The following DCDC1 variants were observed in gnomAD, a reference collection of about 807,000 sequenced individuals.
DCDC1 encodes doublecortin domain containing 1.
DCDC1 carries 200 observed loss-of-function variants against 178.3 expected under a neutral mutation model. The ratio of observed to expected loss-of-function variants is 1.12; its 90% CI spans 1.00 to 1.26. The LOEUF (loss-of-function observed/expected upper bound fraction) is 1.26. Among genes scored for constraint, DCDC1 ranks in the 50% most tolerant of loss-of-function variants. The pLI is 0.00. For synonymous variants in DCDC1, 690 were observed against 604.8 expected, an observed-to-expected ratio of 1.14 and a Z score of -2.07; for missense variants, 1,983 against 1,749.2, an observed-to-expected ratio of 1.13 and a Z score of -2.38.
intron 9 of DCDC1, among the ~76,000 whole-genome samples, chr11:31,181,141 A>C (rs552653879): frequency 6.6e-4 from 101 of 152,312 alleles, no homozygotes; most frequent in South Asian, 3.5e-3. Flanking sequence ...CAGCAAAGCC[A>C]CGGTGGCCAG....
At chr11:30,903,749 G>A (rs989126294) in intron 31 of DCDC1, 66 bp from the exon 32 acceptor site, 3 of 1,279,508 alleles carry the variant, frequency 2.3e-6, no homozygotes, top group African/African-American at 3.0e-5. Flanking sequence ...ATCATTAAGA[G>A]CTTGTCATTC....
chr11:31,328,456 G>GA (rs1031706378), intron 2 of DCDC1, among the ~76,000 whole-genome samples, 170 bp from the exon 3 acceptor site: 5 of 151,320 alleles, frequency 3.3e-5, no homozygotes, highest in Non-Finnish European at 4.4e-5. Context: ...CTTAAAGAAA[G>GA]AAAAAAAATA....
chr11:31,248,195 A>AATT (rs1943714763), intron 8 of DCDC1, among the ~76,000 whole-genome samples: 1 of 152,096 alleles, frequency 6.6e-6, no homozygotes, highest in Non-Finnish European at 1.5e-5. Flanking sequence ...ACTTGATCTA[A>AATT]TAACTGACAT....
intron 9 of DCDC1, among the ~76,000 whole-genome samples, chr11:31,234,860 G>T (rs1184302081): frequency 6.6e-6 from 1 of 151,678 alleles, no homozygotes; most frequent in Non-Finnish European, 1.5e-5. Flanking sequence ...AACTGTTCAG[G>T]GAATCTATCA....
chr11:31,133,336 G>C (rs1018668875), intron 10 of DCDC1, among the ~76,000 whole-genome samples: 1 of 152,136 alleles, frequency 6.6e-6, no homozygotes, highest in African/African-American at 2.4e-5. Context: ...CGTCATCTAG[G>C]CATGTAACAC....
chr11:30,997,921 G>A (rs1951356011), intron 20 of DCDC1, among the ~76,000 whole-genome samples: 1 of 152,014 alleles, frequency 6.6e-6, no homozygotes, highest in Non-Finnish European at 1.5e-5. Context: ...CAAAATAGCT[G>A]ATTCTATATT....
At chr11:30,920,219 C>A (rs534778734) in intron 25 of DCDC1, among the ~76,000 whole-genome samples, 1 of 152,210 alleles carries the variant, frequency 6.6e-6, no homozygotes, top group South Asian at 2.1e-4. Context: ...CAGGCATGAA[C>A]CAGGGTCAGA....
intron 20 of DCDC1, among the ~76,000 whole-genome samples, chr11:31,015,225 G>A (rs1301578601): frequency 6.6e-6 from 1 of 152,118 alleles, no homozygotes; most frequent in African/African-American, 2.4e-5. Flanking sequence ...TGGGATTACA[G>A]GCTTCAGCCA....
chr11:30,942,219 T>C (rs1947700383), intron 21 of DCDC1, among the ~76,000 whole-genome samples: 1 of 152,208 alleles, frequency 6.6e-6, no homozygotes. Context: ...TCATTGTATA[T>C]TTTTATTTGA....
At chr11:31,243,588 C>G (rs1014284625) in intron 8 of DCDC1, among the ~76,000 whole-genome samples, 1 of 151,582 alleles carries the variant, frequency 6.6e-6, no homozygotes, top group Non-Finnish European at 1.5e-5. Context: ...AAAGCACTTA[C>G]TAGATCTAAC....
At chr11:31,338,071 G>T (rs958072369) in intron 1 of DCDC1, among the ~76,000 whole-genome samples, 1 of 152,194 alleles carries the variant, frequency 6.6e-6, no homozygotes, top group Non-Finnish European at 1.5e-5. Context: ...TGGTCAGGAA[G>T]TACAATGTAC....
chr11:31,349,403 C>T (rs79334914), intron 1 of DCDC1, among the ~76,000 whole-genome samples: 3,148 of 152,186 alleles, frequency 0.021, 97 homozygotes, highest in African/African-American at 0.07. Context: ...TTGTTGAGTA[C>T]CAACTATTTC....
intron 3 of DCDC1, among the ~76,000 whole-genome samples, chr11:31,311,764 G>A (rs966203056): frequency 6.6e-6 from 1 of 152,078 alleles, no homozygotes; most frequent in Non-Finnish European, 1.5e-5. Context: ...TCATAATACA[G>A]GAATTTATTA....
At chr11:31,259,897 T>C (rs1275743121) in intron 8 of DCDC1, among the ~76,000 whole-genome samples, 1 of 152,196 alleles carries the variant, frequency 6.6e-6, no homozygotes, top group Non-Finnish European at 1.5e-5. Flanking sequence ...GTCTGAATTA[T>C]GCCAAACATA....
chr11:31,182,626 GTACCAGCCACTGCAAAAACA>G (rs1968957918), intron 9 of DCDC1, among the ~76,000 whole-genome samples: 1 of 151,958 alleles, frequency 6.6e-6, no homozygotes, highest in African/African-American at 2.4e-5. Context: ...CAACAAAACA[GTACCAGCCACTGCAAAAACA>G]TACCAAATTG....
chr11:31,051,118 T>C (rs1438256522), intron 20 of DCDC1, among the ~76,000 whole-genome samples: 3 of 152,032 alleles, frequency 2.0e-5, no homozygotes, highest in African/African-American at 2.4e-5. Context: ...TTCATGGAAA[T>C]AGATAGCTTA....
chr11:30,893,349 G>T lies in DCDC1; in HGVS notation c.4903-352C>A, dbSNP rs533902003. ...AGAGATTTCTCTGCATCTAACAAAT[G>T]AGTTTTTTATTAGAATCACATCATT... On this transcript the variant is annotated intron_variant, in intron 35 of 38. Coordinates refer to ENST00000684477, the MANE Select transcript of DCDC1 (RefSeq NM_001387274.1). Among the ~76,000 whole-genome samples the T allele has an allele frequency of 3.9e-5, 6 of 152,290 alleles. No homozygotes were observed. In the South Asian group the frequency reaches 1.0e-3, roughly 26 times the overall value.
At chr11:30,867,544 C>T (rs1195331210) in intron 38 of DCDC1, among the ~76,000 whole-genome samples, 1 of 152,132 alleles carries the variant, frequency 6.6e-6, no homozygotes, top group Non-Finnish European at 1.5e-5. Context: ...GAGTCTTATG[C>T]CAAGAAACTT....
At chr11:31,198,583 A>G (rs1970955219) in intron 9 of DCDC1, among the ~76,000 whole-genome samples, 1 of 151,988 alleles carries the variant, frequency 6.6e-6, no homozygotes, top group Admixed American at 6.6e-5. Flanking sequence ...CGTTGTCACT[A>G]CTTAAAATTC....
Sources: allele counts gnomAD v4.1 joint callset (sites outside exome capture counted in the v4.1 genomes callset), GRCh38; gene constraint gnomAD v4.1.1; transcripts MANE v1.5; gene names NCBI Gene and HGNC (gene_info 2026-07-23, HGNC 2026-07-21).